AMPD3: variants seen among roughly 807,000 people sequenced by gnomAD.
The protein encoded by AMPD3 is adenosine monophosphate deaminase 3.
Under a neutral mutation model 82.3 loss-of-function variants are expected in AMPD3, and 57 were observed. The ratio of observed to expected loss-of-function variants is 0.69; its 90% confidence interval spans 0.56 to 0.86. AMPD3 has a LOEUF of 0.86. Among genes scored for constraint, AMPD3 ranks in the 40% least tolerant of loss-of-function variants. The pLI, the probability that AMPD3 is intolerant of heterozygous loss-of-function variation, is 0.00. For synonymous variants in AMPD3, 381 were observed against 394.7 expected (o/e 0.97, Z 0.41); for missense variants, 870 against 1,003.8 (o/e 0.87, Z 1.80).
At chr11:10,488,336 G>A in intron 6 of AMPD3, 1 of 985,474 alleles carries the variant, frequency 1.0e-6, no homozygotes, top group Non-Finnish European at 1.2e-6. Flanking sequence ...GGCTTTGAGG[G>A]AGAGGCCAGA....
chr11:10,480,466 G>A (rs944862519), intron 3 of AMPD3, among the ~76,000 whole-genome samples: 2 of 152,098 alleles, frequency 1.3e-5, no homozygotes, highest in Admixed American at 6.5e-5. Context: ...GACATTTGGA[G>A]GCAGGAAAGG....
chr11:10,480,965 G>C (rs948750409), intron 3 of AMPD3, among the ~76,000 whole-genome samples: 5 of 152,140 alleles, frequency 3.3e-5, no homozygotes, highest in Non-Finnish European at 7.3e-5. Flanking sequence ...TAATGAGCCT[G>C]TTGGAAGGCG....
At chr11:10,494,682 G>A (rs1849338470) in intron 7 of AMPD3, 1 of 985,426 alleles carries the variant, frequency 1.0e-6, no homozygotes. Flanking sequence ...GGCCTCTGCT[G>A]TTCCTTCACA....
At position 10,506,396 on chromosome 11, in the gene AMPD3, G is replaced by T; in HGVS notation, c.*512G>T. On this transcript the variant is annotated 3_prime_UTR_variant, in exon 15 of 15. Transcript: ENST00000396553. This position sits in a 1 kb window ranked among gnomAD's most constrained non-coding sequence, Gnocchi z 4.1. ...TCCTTCTTGACAAATTGTGTTTTTA[G>T]TGAATTTCTTAAACCGTTTTATTTA... is the stretch of plus-strand genomic sequence containing the variant. The T allele has an allele frequency of 5.7e-6, 1 of 175,884 alleles. No individual in the cohort carries two copies. Among genetic ancestry groups the T allele is most frequent in the Non-Finnish European group, 1.2e-5 (1 of 81,498 alleles). The allele number at this position is 175,884 out of a possible 1,614,324, so 10.9% of individuals were successfully genotyped here.
intron 5 of AMPD3, among the ~76,000 whole-genome samples, chr11:10,485,967 T>G (rs932003871): frequency 1.3e-5 from 2 of 151,438 alleles, no homozygotes; most frequent in African/African-American, 4.9e-5. Flanking sequence ...CCTGAGGACC[T>G]TCTCTCTTGT....
chr11:10,472,515 C>T (rs1292917469), intron 2 of AMPD3, among the ~76,000 whole-genome samples: 8 of 152,054 alleles, frequency 5.3e-5, no homozygotes, highest in Middle Eastern at 3.4e-3. Context: ...CTAGGACAGC[C>T]GCTTCCCTAG....
intron 2 of AMPD3, among the ~76,000 whole-genome samples, chr11:10,475,739 C>T (rs1848719708): frequency 6.6e-6 from 1 of 152,080 alleles, no homozygotes; most frequent in South Asian, 2.1e-4. Flanking sequence ...AGATTCAAAG[C>T]AACAGCACAA....
chr11:10,497,283 C>T (rs1273056909), intron 10 of AMPD3, among the ~76,000 whole-genome samples: 4 of 127,802 alleles, frequency 3.1e-5, no homozygotes, highest in Non-Finnish European at 6.9e-5. Flanking sequence ...CACCAAGCAG[C>T]AGCCTCAGGT....
In AMPD3 at chr11:10,478,055, T is replaced by C. The variant is rs1848791524; in HGVS notation, c.222-471T>C. 3.0e-6 allele frequency: 3 copies of C among 985,332 alleles called. No individual in the cohort carries two copies. The African/African-American group carries it at 5.2e-5, about 17-fold the overall frequency. The allele number at this position is 985,332 out of a possible 1,614,324, so 61.0% of individuals were successfully genotyped here. ...TCTAACTGTGTGAAATGCAGTGTGA[T>C]TGTCTCTCTGTGACCCTATTCCTGG... On this transcript the variant is annotated intron_variant, in intron 2 of 14. Transcript: ENST00000396553.
At chr11:10,467,279 A>G (rs549048743) in intron 2 of AMPD3, among the ~76,000 whole-genome samples, 2 of 152,358 alleles carry the variant, frequency 1.3e-5, no homozygotes, top group South Asian at 4.1e-4. Context: ...AAAAAAGGAT[A>G]GATGAATTGC....
intron 12 of AMPD3, 60 bp downstream of exon 12, chr11:10,501,650 A>T: frequency 1.1e-5 from 18 of 1,613,418 alleles, no homozygotes; most frequent in Non-Finnish European, 1.5e-5. Context: ...GGCTCCTGGG[A>T]GGCTCAACCA....
At chr11:10,496,114 A>G (rs11042852) in intron 9 of AMPD3, 40,096 of 525,318 alleles carry the variant, frequency 0.076, 1,739 homozygotes, top group Non-Finnish European at 0.088. Context: ...ATGGGGTTTC[A>G]CCATCTTGGC....
At chr11:10,455,938 C>T (rs1256590910) in intron 1 of AMPD3, 9 of 985,252 alleles carry the variant, frequency 9.1e-6, no homozygotes, top group Middle Eastern at 5.2e-4. Flanking sequence ...GTGATGATAT[C>T]GCTCGTTGCT....
chr11:10,481,510 C>T (rs1262253225), intron 3 of AMPD3: 4 of 985,258 alleles, frequency 4.1e-6, no homozygotes, highest in Non-Finnish European at 4.8e-6. Context: ...TCCTGTGTCT[C>T]CTGTGTTGGG....
intron 2 of AMPD3, among the ~76,000 whole-genome samples, chr11:10,466,220 C>T (rs1848417039): frequency 6.6e-6 from 1 of 151,870 alleles, no homozygotes; most frequent in South Asian, 2.1e-4. Flanking sequence ...TGAGATCGCA[C>T]CATTGCACTG....
intron 4 of AMPD3, among the ~76,000 whole-genome samples, chr11:10,482,644 TG>T (rs1425273093): frequency 6.6e-6 from 1 of 151,714 alleles, no homozygotes; most frequent in East Asian, 1.9e-4. Flanking sequence ...CTCAAGTAGC[TG>T]GGATCAAAGG....
Position 10,455,328 on chromosome 11 carries a change from G to C in AMPD3, c.-126G>C, listed in dbSNP as rs1848061571. 2.0e-6 allele frequency: 2 copies of C among 985,358 alleles called. No homozygotes were observed. Among genetic ancestry groups the C allele is most frequent in the African/African-American group, 3.5e-5 (2 of 57,228 alleles). 61.0% of individuals were successfully genotyped at this position (985,358 alleles called of 1,614,324 possible). ...CTGTGATGCCATTTTAATCAACCCTGCTTGGTTTTAGAGGATTGCTCCTGT... is the reference window on the plus strand; with the variant it reads ...CTGTGATGCCATTTTAATCAACCCTCCTTGGTTTTAGAGGATTGCTCCTGT... On this transcript the variant is annotated 5_prime_UTR_variant, in exon 1 of 15. Transcript: ENST00000396553.
intron 6 of AMPD3, among the ~76,000 whole-genome samples, chr11:10,493,040 G>A (rs1849283728): frequency 6.6e-6 from 1 of 152,222 alleles, no homozygotes. Flanking sequence ...AGGCCAAGGT[G>A]CTTGGGCTTT....
chr11:10,477,889 A>G (rs538455953), intron 2 of AMPD3: 25 of 985,472 alleles, frequency 2.5e-5, no homozygotes, highest in East Asian at 1.1e-4. Context: ...GTCTGCTGCC[A>G]GCCATGGGGC....
Sources: gnomAD v4.1 joint callset for allele counts (sites outside exome capture counted in the v4.1 genomes callset) on GRCh38, gnomAD v4.1.1 for gene constraint, Gnocchi (gnomAD v3.1) non-coding constraint, MANE v1.5 for transcripts, NCBI Gene and HGNC (gene_info 2026-07-23, HGNC 2026-07-21) for gene names.